DAB1: variants seen among roughly 807,000 people sequenced by gnomAD.
DAB1 encodes the protein disabled homolog 1.
A neutral mutation model predicts 64.6 loss-of-function variants in DAB1; 15 were observed. The ratio of observed to expected loss-of-function variants is 0.23; its 90% CI spans 0.16 to 0.36. The LOEUF is 0.36. DAB1 is among the 10% of genes least tolerant of loss of function. DAB1 has a pLI of 1.00. For missense variants in DAB1, 596 were observed against 706.7 expected (o/e 0.84, Z 1.78); for synonymous variants, 235 against 251.9 (o/e 0.93, Z 0.64).
chr1:57,289,491 C>A (rs1159192327), intron 2 of DAB1, among the ~76,000 whole-genome samples: 1 of 152,090 alleles, frequency 6.6e-6, no homozygotes, highest in Non-Finnish European at 1.5e-5. Context: ...GCATAGAAAA[C>A]AAGGTTTACA....
intron 6 of DAB1, among the ~76,000 whole-genome samples, chr1:57,678,047 T>C (rs548675327): frequency 1.3e-5 from 2 of 152,268 alleles, no homozygotes; most frequent in East Asian, 1.9e-4. Context: ...AGGGTATGGT[T>C]TGGAGTTCAA....
chr1:58,241,116 G>A (rs949624897), intron 4 of DAB1, among the ~76,000 whole-genome samples: 2 of 152,080 alleles, frequency 1.3e-5, no homozygotes, highest in African/African-American at 4.8e-5. Flanking sequence ...TAGTCCTTAA[G>A]AATATTCTTG....
intron 6 of DAB1, among the ~76,000 whole-genome samples, chr1:57,659,355 A>G (rs1323647433): frequency 6.6e-6 from 1 of 152,238 alleles, no homozygotes; most frequent in Non-Finnish European, 1.5e-5. Context: ...CACTGGAAAT[A>G]AAAGTACTTC....
chr1:57,971,174 A>G (rs926045301), intron 5 of DAB1, among the ~76,000 whole-genome samples: 1 of 152,166 alleles, frequency 6.6e-6, no homozygotes, highest in African/African-American at 2.4e-5. Flanking sequence ...CTTCATGAGA[A>G]GTGTTTTTTC....
At chr1:57,347,874 G>A (rs1266512731) in intron 1 of DAB1, among the ~76,000 whole-genome samples, 1 of 152,160 alleles carries the variant, frequency 6.6e-6, no homozygotes, top group Non-Finnish European at 1.5e-5. Context: ...GGCAAGAGAT[G>A]TCAGGTAAGA....
In DAB1 at chr1:57,970,218, C is replaced by T. The variant is rs536373064; in HGVS notation, n.388-86056G>A. Among the ~76,000 whole-genome samples, 8 of 152,214 alleles carry T rather than the reference C, an allele frequency of 5.3e-5. No homozygotes were observed. In the South Asian group the frequency reaches 1.5e-3, roughly 28 times the overall value. On this transcript the variant is annotated intron_variant and non_coding_transcript_variant, in intron 5 of 20. Transcript: ENST00000485760. Reference sequence around the variant, plus strand: ...TGTCTATGGTAGTTTGTTACAGCAACCTGAATGGACCAACACAAAGACTAT... The same window carrying T: ...TGTCTATGGTAGTTTGTTACAGCAATCTGAATGGACCAACACAAAGACTAT...
intron 5 of DAB1, among the ~76,000 whole-genome samples, chr1:57,901,842 C>T (rs1006545171): frequency 1.3e-5 from 2 of 152,062 alleles, no homozygotes; most frequent in Admixed American, 1.3e-4. Context: ...AACCCCACTG[C>T]GAATCCCAAA....
chr1:57,832,872 T>C (rs1025595458), intron 1 of DAB1, among the ~76,000 whole-genome samples: 3 of 152,194 alleles, frequency 2.0e-5, no homozygotes, highest in Admixed American at 6.5e-5. Flanking sequence ...CACCCAAAAC[T>C]GGCCTTAGGG....
rs140073811 is a variant in DAB1, at chr1:57,475,693, T to C, written n.625+173899A>G. 4.1e-4 allele frequency among the ~76,000 whole-genome samples: 62 copies of C among 152,322 alleles called. No individual in the cohort carries two copies. In the East Asian group the frequency reaches 9.1e-3, roughly 22 times the overall value. On this transcript the variant is annotated intron_variant and non_coding_transcript_variant, in intron 7 of 20. Transcript: ENST00000485760. ...CAGAACCCAGCCTTGAGCCCAGGACTGACTGGCTCCTAAGTCCAGGCCTTT... is the reference window on the plus strand; with the variant it reads ...CAGAACCCAGCCTTGAGCCCAGGACCGACTGGCTCCTAAGTCCAGGCCTTT...
chr1:57,614,453 C>T (rs2101606708), intron 7 of DAB1, among the ~76,000 whole-genome samples: 1 of 152,332 alleles, frequency 6.6e-6, no homozygotes, highest in East Asian at 1.9e-4. Flanking sequence ...TGAAGCACCA[C>T]TTAATAATAC....
chr1:58,167,712 G>C (rs1297598744), intron 4 of DAB1, among the ~76,000 whole-genome samples: 2 of 152,186 alleles, frequency 1.3e-5, no homozygotes, highest in Non-Finnish European at 2.9e-5. Flanking sequence ...CTTCATTCCT[G>C]AAGTCAGTGA....
chr1:57,899,937 C>CTTT (rs112202232), intron 5 of DAB1, among the ~76,000 whole-genome samples: 1 of 146,022 alleles, frequency 6.8e-6, no homozygotes, highest in Non-Finnish European at 1.5e-5. Flanking sequence ...TTATCTTTTT[C>CTTT]TTTTTTTTTT....
chr1:58,394,908 G>A (rs1365769916), intron 3 of DAB1, among the ~76,000 whole-genome samples: 1 of 151,766 alleles, frequency 6.6e-6, no homozygotes, highest in Non-Finnish European at 1.5e-5. Context: ...TAAATTATAT[G>A]TTATAAAGCC....
intron 3 of DAB1, among the ~76,000 whole-genome samples, chr1:58,436,843 T>C (rs897039431): frequency 6.6e-6 from 1 of 152,200 alleles, no homozygotes; most frequent in Non-Finnish European, 1.5e-5. Flanking sequence ...TGAATGGTAT[T>C]GCTACCCCCA....
intron 11 of DAB1, among the ~76,000 whole-genome samples, chr1:57,020,047 C>A (rs1646562988): frequency 6.6e-6 from 1 of 152,088 alleles, no homozygotes; most frequent in Non-Finnish European, 1.5e-5. Context: ...TCAAAAATAC[C>A]TCCACTAGGT....
At chr1:57,897,006 G>A (rs1644401304) in intron 5 of DAB1, among the ~76,000 whole-genome samples, 1 of 152,054 alleles carries the variant, frequency 6.6e-6, no homozygotes, top group Admixed American at 6.5e-5. Context: ...CAGGCTGGCC[G>A]TTTAATGACT....
Position 58,243,332 on chromosome 1 carries a change from G to GA in DAB1, n.310-92745dup, listed in dbSNP as rs61018521. 5.8e-4 allele frequency among the ~76,000 whole-genome samples: 87 copies of GA among 151,248 alleles called. 1 individual carries two copies. Among genetic ancestry groups the GA allele is most frequent in the African/African-American group, 1.2e-3 (50 of 41,292 alleles). ...CACCTATGACTCAGAGCTCATTTCA[G>GA]AAAAAAAAATTGTTTTTATTTATTA... On this transcript the variant is annotated intron_variant and non_coding_transcript_variant, in intron 4 of 20. Transcript: ENST00000485760.
chr1:58,456,092 T>C (rs1460085379), intron 3 of DAB1, among the ~76,000 whole-genome samples: 1 of 152,268 alleles, frequency 6.6e-6, no homozygotes, highest in African/African-American at 2.4e-5. Flanking sequence ...ACATAAAGTA[T>C]GGAAAGCATT....
At chr1:58,417,139 C>G (rs908357402) in intron 3 of DAB1, among the ~76,000 whole-genome samples, 1 of 152,042 alleles carries the variant, frequency 6.6e-6, no homozygotes, top group African/African-American at 2.4e-5. Context: ...GGCATCCTCC[C>G]GTCTCTTCTT....
Sources: gnomAD v4.1 joint callset for allele counts (sites outside exome capture counted in the v4.1 genomes callset) on GRCh38, gnomAD v4.1.1 for gene constraint, MANE v1.5 for transcripts, NCBI Gene and HGNC (gene_info 2026-07-23, HGNC 2026-07-21) for gene names.